ADAMTSL1: variants seen among roughly 807,000 people sequenced by gnomAD.
The protein encoded by ADAMTSL1 is ADAMTS like 1, also known as ADAMTS-like protein 1.
Under a neutral mutation model 201.8 loss-of-function variants are expected in ADAMTSL1, and 126 were observed. That is an observed-to-expected ratio of 0.62 (90% CI 0.54 to 0.72). The LOEUF (loss-of-function observed/expected upper bound fraction) is 0.72. Ranked by LOEUF, ADAMTSL1 falls within the 30% of genes least tolerant of loss-of-function variation. The probability of loss-of-function intolerance (pLI) is 0.00; values close to 1 mark genes in which losing one functional copy is unlikely to be tolerated. For missense variants in ADAMTSL1, 2,679 were observed against 2,277.8 expected, an observed-to-expected ratio of 1.18 and a Z score of -3.59; for synonymous variants, 1,121 against 903.4, an observed-to-expected ratio of 1.24 and a Z score of -4.32.
intron 1 of ADAMTSL1, among the ~76,000 whole-genome samples, chr9:17,938,155 T>C (rs1348720530): frequency 6.6e-6 from 1 of 152,190 alleles, no homozygotes; most frequent in African/African-American, 2.4e-5. Flanking sequence ...CAGCAAGTAG[T>C]TGTGTGCACT....
intron 13 of ADAMTSL1, among the ~76,000 whole-genome samples, chr9:18,700,144 T>C (rs1831837038): frequency 6.6e-6 from 1 of 152,208 alleles, no homozygotes; most frequent in Admixed American, 6.5e-5. Flanking sequence ...TTTGGATAAG[T>C]ATTATCTCAA....
chr9:18,651,871 C>T (rs1828287352), intron 7 of ADAMTSL1, among the ~76,000 whole-genome samples: 1 of 151,530 alleles, frequency 6.6e-6, no homozygotes, highest in African/African-American at 2.4e-5. Flanking sequence ...GAGAGAAATC[C>T]CATGTCCAAA....
intron 12 of ADAMTSL1, among the ~76,000 whole-genome samples, chr9:18,683,491 G>A (rs933406036): frequency 2.6e-5 from 4 of 152,002 alleles, no homozygotes; most frequent in Non-Finnish European, 5.9e-5. Context: ...GCCTCCCAAA[G>A]TGCTAGGATT....
At chr9:17,993,560 C>G (rs1819249889) in intron 1 of ADAMTSL1, among the ~76,000 whole-genome samples, 1 of 152,160 alleles carries the variant, frequency 6.6e-6, no homozygotes, top group South Asian at 2.1e-4. Flanking sequence ...CTGTTCCAAT[C>G]TAATGAGAAG....
intron 2 of ADAMTSL1, among the ~76,000 whole-genome samples, chr9:18,378,805 A>G (rs969417737): frequency 1.3e-5 from 2 of 150,600 alleles, no homozygotes; most frequent in South Asian, 4.2e-4. Context: ...ATCAATAAGT[A>G]GTTTTTTGTT....
At chr9:18,349,407 A>C (rs184870352) in intron 2 of ADAMTSL1, among the ~76,000 whole-genome samples, 82 of 152,270 alleles carry the variant, frequency 5.4e-4, no homozygotes, top group African/African-American at 1.9e-3. Context: ...CCCTCTTTTC[A>C]GGTGTCAGAA....
At chr9:18,112,483 T>G (rs181619654) in intron 1 of ADAMTSL1, among the ~76,000 whole-genome samples, 1,697 of 151,240 alleles carry the variant, frequency 0.011, 27 homozygotes, top group African/African-American at 0.039. Context: ...CCCATTTTTT[T>G]GGGTTTTTTT....
At chr9:18,067,040 T>C (rs904257172) in intron 1 of ADAMTSL1, among the ~76,000 whole-genome samples, 4 of 152,072 alleles carry the variant, frequency 2.6e-5, no homozygotes, top group African/African-American at 9.7e-5. Flanking sequence ...TAATGCTAAA[T>C]GACGAGTTAA....
intron 1 of ADAMTSL1, among the ~76,000 whole-genome samples, chr9:18,018,303 C>T (rs555236226): frequency 6.6e-6 from 1 of 152,214 alleles, no homozygotes; most frequent in African/African-American, 2.4e-5. Context: ...TGTTAATCTT[C>T]ATACAGACTC....
chr9:18,362,541 G>A (rs1315256115), intron 2 of ADAMTSL1, among the ~76,000 whole-genome samples: 1 of 152,122 alleles, frequency 6.6e-6, no homozygotes, highest in African/African-American at 2.4e-5. Flanking sequence ...AGTTCTTAAG[G>A]AGCTGGCATT....
intron 2 of ADAMTSL1, among the ~76,000 whole-genome samples, chr9:18,461,349 T>C (rs1820799179): frequency 6.6e-6 from 1 of 152,190 alleles, no homozygotes; most frequent in Non-Finnish European, 1.5e-5. Context: ...ATTTTTCATG[T>C]AATTTTTTTA....
chr9:18,314,782 C>CTTTTTTT lies in ADAMTSL1; in HGVS notation c.207+150827_207+150833dup, dbSNP rs776046209. ...TGCCACTGCTGCCTTCGGCAGCGTGCTTTTTTTTTTTTTTTTTTTTTTTTT... is the reference window on the plus strand; with the variant it reads ...TGCCACTGCTGCCTTCGGCAGCGTGCTTTTTTTTTTTTTTTTTTTTTTTTTTTTTTTT... On this transcript the variant is annotated intron_variant, in intron 2 of 29. Coordinates refer to the ADAMTSL1 transcript ENST00000680146. Among the ~76,000 whole-genome samples the CTTTTTTT allele has an allele frequency of 6.2e-3, 311 of 49,826 alleles. 92 individuals carry two copies. The highest frequency in any genetic ancestry group is 7.6e-3 in the Non-Finnish European group (213 of 28,064). The allele number at this position is 49,826 out of a possible 152,430, so 32.7% of individuals were successfully genotyped here.
chr9:18,685,812 A>C (rs1830793014), intron 13 of ADAMTSL1, among the ~76,000 whole-genome samples: 1 of 152,272 alleles, frequency 6.6e-6, no homozygotes, highest in Admixed American at 6.5e-5. Flanking sequence ...CAAGAAATCC[A>C]AAATATAGAT....
intron 19 of ADAMTSL1, among the ~76,000 whole-genome samples, chr9:18,790,759 G>A (rs1409777295): frequency 2.0e-5 from 3 of 152,036 alleles, no homozygotes; most frequent in Admixed American, 6.5e-5. Context: ...AAACAAAACC[G>A]CTCCTTCATT....
chr9:18,103,786 G>T (rs1252196949), intron 1 of ADAMTSL1, among the ~76,000 whole-genome samples: 2 of 152,158 alleles, frequency 1.3e-5, no homozygotes, highest in Non-Finnish European at 2.9e-5. Flanking sequence ...AAAGCTGGAA[G>T]GGGCTTTAGA....
At chr9:18,332,207 T>C (rs1835056827) in intron 2 of ADAMTSL1, among the ~76,000 whole-genome samples, 1 of 152,218 alleles carries the variant, frequency 6.6e-6, no homozygotes, top group Non-Finnish European at 1.5e-5. Context: ...TCATTGGATC[T>C]TGTCCAGACC....
At chr9:18,769,584 C>A (rs764857813) in intron 16 of ADAMTSL1, among the ~76,000 whole-genome samples, 1 of 152,182 alleles carries the variant, frequency 6.6e-6, no homozygotes, top group African/African-American at 2.4e-5. Flanking sequence ...GGAAGCCAGG[C>A]TTCTAACTTT....
chr9:18,502,382 T>A (rs879846459), intron 1 of ADAMTSL1, among the ~76,000 whole-genome samples: 1 of 152,210 alleles, frequency 6.6e-6, no homozygotes, highest in Admixed American at 6.5e-5. Context: ...TGCACCTCTC[T>A]CAGTAGTCAG....
chr9:17,926,260 A>C (rs888947566), intron 1 of ADAMTSL1, among the ~76,000 whole-genome samples: 1 of 152,234 alleles, frequency 6.6e-6, no homozygotes, highest in East Asian at 1.9e-4. Context: ...TTATTGGTAT[A>C]AGATGAAATT....
Sources: gnomAD v4.1 joint callset for allele counts (sites outside exome capture counted in the v4.1 genomes callset) on GRCh38, gnomAD v4.1.1 for gene constraint, MANE v1.5 for transcripts, NCBI Gene and HGNC (gene_info 2026-07-23, HGNC 2026-07-21) for gene names.